The following MEGF11 variants were observed in gnomAD, a reference collection of about 807,000 sequenced individuals.
The protein encoded by MEGF11 is multiple epidermal growth factor-like domains protein 11.
Under a neutral mutation model 146.6 loss-of-function variants are expected in MEGF11, and 126 were observed. The observed-to-expected ratio is 0.86, with a 90% CI of 0.74 to 1.00. The LOEUF is 1.00. Among genes scored for constraint, MEGF11 ranks in the 50% least tolerant of loss-of-function variants. The pLI is 0.00. For missense variants in MEGF11, 1,509 were observed against 1,521.2 expected (o/e 0.99, Z 0.13); for synonymous variants, 532 against 583.4 (o/e 0.91, Z 1.27).
At chr15:65,918,222 G>A (rs1230753463) in intron 15 of MEGF11, 128 bp from the exon 16 acceptor site, 2 of 1,326,596 alleles carry the variant, frequency 1.5e-6, no homozygotes, top group Non-Finnish European at 2.1e-6. Flanking sequence ...TCTGGATGGA[G>A]ACCACGCCCG....
chr15:66,064,745 T>C (rs978595544), intron 5 of MEGF11, among the ~76,000 whole-genome samples: 13 of 151,988 alleles, frequency 8.6e-5, no homozygotes, highest in African/African-American at 3.1e-4. Context: ...GTCAGGCTGG[T>C]CTTGACCTCC....
chr15:66,020,626 A>G (rs1015503115), intron 5 of MEGF11, among the ~76,000 whole-genome samples: 2 of 152,160 alleles, frequency 1.3e-5, no homozygotes, highest in African/African-American at 4.8e-5. Context: ...AAAGACTGGC[A>G]TTAGGTTGAA....
At chr15:66,029,624 G>A (rs769563687) in intron 5 of MEGF11, among the ~76,000 whole-genome samples, 1 of 152,202 alleles carries the variant, frequency 6.6e-6, no homozygotes, top group African/African-American at 2.4e-5. Context: ...CCTGAGGGGC[G>A]CAGACCCAGA....
chr15:65,934,071 TCACCACA>T (rs1307752438), intron 10 of MEGF11, among the ~76,000 whole-genome samples: 1 of 152,182 alleles, frequency 6.6e-6, no homozygotes, highest in Non-Finnish European at 1.5e-5. Context: ...GGAACTTTTA[TCACCACA>T]CACTACAGGT....
intron 19 of MEGF11, 120 bp downstream of exon 19, chr15:65,915,350 G>A (rs1417016288): frequency 2.2e-6 from 3 of 1,339,414 alleles, no homozygotes; most frequent in East Asian, 5.0e-5. Flanking sequence ...TATTCCTGCT[G>A]TCCTCACAAA....
rs374821868 is a variant in MEGF11 at position 66,048,681 on chromosome 15, T to G, written c.394+45721A>C. 4.5e-3 allele frequency among the ~76,000 whole-genome samples: 690 copies of G among 152,210 alleles called. 4 individuals are homozygous for G. Among genetic ancestry groups the G allele is most frequent in the African/African-American group, 0.016 (666 of 41,528 alleles). On this transcript the variant is annotated intron_variant, in intron 5 of 25. Transcript: ENST00000395614. ...CCTCCTGCCCACCTTGCCACGCTGG[T>G]GGGTGGCAAAAAGGGAGGGAAAGGC...
intron 10 of MEGF11, among the ~76,000 whole-genome samples, chr15:65,939,416 G>T (rs2079900738): frequency 1.3e-5 from 2 of 151,996 alleles, no homozygotes; most frequent in Non-Finnish European, 2.9e-5. Flanking sequence ...GACAAGCAAG[G>T]CACTGTGATA....
At chr15:66,250,115 T>C (rs1435946787) in intron 1 of MEGF11, among the ~76,000 whole-genome samples, 1 of 152,182 alleles carries the variant, frequency 6.6e-6, no homozygotes, top group African/African-American at 2.4e-5. Flanking sequence ...TCTCTATGGA[T>C]ACCTAGCAAG....
chr15:65,918,987 C>T (rs2079089740), intron 15 of MEGF11, among the ~76,000 whole-genome samples: 1 of 152,160 alleles, frequency 6.6e-6, no homozygotes. Context: ...AAAATAAAGT[C>T]GATCCTGGAG....
chr15:65,956,926 A>G lies in MEGF11; in HGVS notation c.1287+621T>C, dbSNP rs377558856. On this transcript the variant is annotated intron_variant, in intron 10 of 25. Coordinates refer to ENST00000395614, the MANE Select transcript of MEGF11 (RefSeq NM_001385028.1). ...ACAATTGGTGGCGGTGTAGATTTATAGAACACTTGAGGAAAGTAATATGGC... is the reference window on the plus strand; with the variant it reads ...ACAATTGGTGGCGGTGTAGATTTATGGAACACTTGAGGAAAGTAATATGGC... Among the ~76,000 whole-genome samples the G allele has an allele frequency of 2.3e-4, 35 of 152,234 alleles. No homozygotes were observed. In the East Asian group the frequency reaches 3.7e-3, roughly 16 times the overall value.
intron 5 of MEGF11, among the ~76,000 whole-genome samples, chr15:65,989,447 T>C (rs333573): frequency 0.98 from 149,023 of 152,322 alleles, 73,012 homozygotes; most frequent in Middle Eastern, 1. Context: ...CCCCCAATCT[T>C]CCACCCCACC....
chr15:66,174,326 G>A (rs182444538), intron 1 of MEGF11, among the ~76,000 whole-genome samples: 22 of 152,290 alleles, frequency 1.4e-4, no homozygotes, highest in Middle Eastern at 3.4e-3. Context: ...TCTGGTAACA[G>A]CCCTATCTCC....
At position 66,008,411 on chromosome 15, in the gene MEGF11, GCA is replaced by G. The variant is rs995843726; in HGVS notation, c.395-25925_395-25924del. On this transcript the variant is annotated intron_variant, in intron 5 of 25. Coordinates refer to ENST00000395614, the MANE Select transcript of MEGF11 (RefSeq NM_001385028.1). ...GAAACACACATGCACACGCGCGCGC[GCA>G]CACACACACACACACACACACACAC... 7.2e-3 allele frequency among the ~76,000 whole-genome samples: 374 copies of G among 52,098 alleles called. 3 individuals carry two copies. The highest frequency in any genetic ancestry group is 0.017 in the African/African-American group (349 of 20,604). The allele number at this position is 52,098 out of a possible 152,430, so 34.2% of individuals were successfully genotyped here. A position where few individuals can be genotyped will look rare whatever the true frequency, so the allele number is the denominator to read the frequency against.
intron 1 of MEGF11, among the ~76,000 whole-genome samples, chr15:66,227,974 C>A (rs370296692): frequency 4.1e-4 from 62 of 152,298 alleles, no homozygotes; most frequent in Admixed American, 3.7e-3. Flanking sequence ...GGCCACAGAA[C>A]CCCCCAAGCC....
intron 1 of MEGF11, among the ~76,000 whole-genome samples, chr15:66,216,997 A>T (rs2091602308): frequency 6.6e-6 from 1 of 152,232 alleles, no homozygotes; most frequent in Non-Finnish European, 1.5e-5. Context: ...ACCCCATGGG[A>T]CTGGCCGAGG....
chr15:66,053,600 C>T (rs1057022335), intron 5 of MEGF11, among the ~76,000 whole-genome samples: 1 of 152,130 alleles, frequency 6.6e-6, no homozygotes, highest in African/African-American at 2.4e-5. Flanking sequence ...CCTCAGGGCC[C>T]AGACCCCTGC....
At chr15:65,954,261 A>G (rs1056140783) in intron 10 of MEGF11, among the ~76,000 whole-genome samples, 2 of 152,140 alleles carry the variant, frequency 1.3e-5, no homozygotes, top group African/African-American at 4.8e-5. Context: ...CAAGCAACCA[A>G]CAAAGGCATT....
At chr15:66,082,671 T>TAAAAA (rs1567232498) in intron 5 of MEGF11, among the ~76,000 whole-genome samples, 1 of 936 alleles carries the variant, frequency 1.1e-3, no homozygotes, top group Non-Finnish European at 6.5e-3. Context: ...AGACTCTGTC[T>TAAAAA]CAAAAAAAAA....
chr15:66,250,293 C>T (rs539042206), intron 1 of MEGF11, among the ~76,000 whole-genome samples: 6 of 152,230 alleles, frequency 3.9e-5, no homozygotes, highest in Non-Finnish European at 5.9e-5. Flanking sequence ...CAGCCAACAG[C>T]GTCAAATCTT....
Sources: allele counts gnomAD v4.1 joint callset (sites outside exome capture counted in the v4.1 genomes callset), GRCh38; gene constraint gnomAD v4.1.1; transcripts MANE v1.5; gene names NCBI Gene and HGNC (gene_info 2026-07-23, HGNC 2026-07-21).